CACNA1B: variants seen among roughly 807,000 people sequenced by gnomAD.
The protein encoded by CACNA1B is voltage-dependent N-type calcium channel subunit alpha-1B.
CACNA1B carries 70 observed loss-of-function variants against 247.2 expected under a neutral mutation model. That is an observed-to-expected ratio of 0.28 (90% CI 0.23 to 0.35). The LOEUF is 0.35. Among genes scored for constraint, CACNA1B ranks in the 10% least tolerant of loss-of-function variants. CACNA1B has a pLI of 1.00. For synonymous variants in CACNA1B, 1,231 were observed against 1,294.4 expected (o/e 0.95, Z 1.05); for missense variants, 2,367 against 3,197.4 (o/e 0.74, Z 6.26).
chr9:138,076,288 C>G (rs758917833), intron 35 of CACNA1B, among the ~76,000 whole-genome samples: 6 of 152,170 alleles, frequency 3.9e-5, no homozygotes, highest in Non-Finnish European at 8.8e-5. Flanking sequence ...AAGTGCGGGC[C>G]TCCAGCTTTC....
At position 138,102,569 on chromosome 9, in the gene CACNA1B, C is replaced by G. The variant is rs1564287230; in HGVS notation, c.5223-142C>G. On this transcript the variant is annotated intron_variant, in intron 37 of 46. Coordinates refer to ENST00000371372, the MANE Select transcript of CACNA1B (RefSeq NM_000718.4). The surrounding 1 kb of genome is among the most constrained non-coding windows in gnomAD (Gnocchi z 5.4). ...TTTATTTTGATTTTGGGCTTTGAAT[C>G]CGACACTTTGATTAACTGGCTCTGT... 2 of 539,988 alleles carry G rather than the reference C, an allele frequency of 3.7e-6. No homozygotes were observed. Among genetic ancestry groups the G allele is most frequent in the Admixed American group, 6.9e-5 (2 of 28,838 alleles). 33.4% of individuals were successfully genotyped at this position (539,988 alleles called of 1,614,324 possible).
chr9:137,901,237 G>C (rs571584802), intron 3 of CACNA1B, among the ~76,000 whole-genome samples: 4,683 of 149,804 alleles, frequency 0.031, 123 homozygotes, highest in Non-Finnish European at 0.048. Flanking sequence ...GTCTGTGTCT[G>C]TTCTGTGTGT....
Position 138,115,646 on chromosome 9 carries a change from A to G in CACNA1B, c.5744A>G (p.Lys1915Arg), listed in dbSNP as rs754416714. Residue 1915 changes from lysine to arginine, a missense_variant, in exon 42 of 47, where the codon AAG (lysine) becomes AGG (arginine). Around this residue, in one of 12 missense-constraint regions of CACNA1B, gnomAD observed 773 missense variants for 779.4 expected, o/e 0.99. Coordinates refer to ENST00000371372, the MANE Select transcript of CACNA1B (RefSeq NM_000718.4). ...GGAGCCCGGGTTTTCCTTCGACAGA[A>G]GAGTTCCACCTCCCTCAGCAATGGC... ...LRGARVFLRQ[K>R]SSTSLSNGGA... 8 of 1,613,772 alleles carry G rather than the reference A, an allele frequency of 5.0e-6. No homozygotes were observed. In the South Asian group the frequency reaches 8.8e-5, roughly 18 times the overall value.
At chr9:137,979,782 T>A (rs117079312) in intron 12 of CACNA1B, among the ~76,000 whole-genome samples, 1 of 152,232 alleles carries the variant, frequency 6.6e-6, no homozygotes, top group East Asian at 1.9e-4. Flanking sequence ...GTTCCCTAAG[T>A]GCAGTGGCTG....
chr9:138,004,320 G>A (rs115273160), intron 15 of CACNA1B, among the ~76,000 whole-genome samples: 11 of 151,992 alleles, frequency 7.2e-5, no homozygotes, highest in African/African-American at 1.7e-4. Flanking sequence ...GCTGAGGGGG[G>A]GCTGATTGCT....
rs369391758 is a variant in CACNA1B at position 138,007,985 on chromosome 9, GGCTC to G, written c.2092+1102_2092+1105del. ...ACCTCTCCTAGGCTGGCCCAGCAGGGGCTCCCTCTCTCAGTCTTGTTAGTCACGG... is the reference window on the plus strand; with the variant it reads ...ACCTCTCCTAGGCTGGCCCAGCAGGGCCTCTCTCAGTCTTGTTAGTCACGG... On this transcript the variant is annotated intron_variant, in intron 16 of 46. Coordinates refer to ENST00000371372, the MANE Select transcript of CACNA1B (RefSeq NM_000718.4). The surrounding 1 kb of genome is among the most constrained non-coding windows in gnomAD (Gnocchi z 4.1). Among the ~76,000 whole-genome samples, 1,021 of 152,274 alleles carry G rather than the reference GGCTC, an allele frequency of 6.7e-3. 3 individuals carry two copies. Among genetic ancestry groups the G allele is most frequent in the Middle Eastern group, 0.024 (7 of 294 alleles).
In CACNA1B at chr9:138,121,898, C is replaced by G; in HGVS notation, c.6919C>G (p.Leu2307Val). 5 of 1,612,576 alleles carry G rather than the reference C, an allele frequency of 3.1e-6. No homozygotes were observed. Among genetic ancestry groups the G allele is most frequent in the African/African-American group, 1.3e-5 (1 of 75,056 alleles). The change falls in exon 47 of 47, where the codon CTC becomes GTC. Residue 2307 changes from leucine to valine, a missense_variant. Physicochemically the swap from Leu to Val is conservative, Grantham distance 32. Transcript: ENST00000371372. The surrounding 1 kb of genome is among the most constrained non-coding windows in gnomAD (Gnocchi z 6.8). Reference protein sequence around the residue: ...VSSLTSQSHPLRRVPNGYHCT... With the variant: ...VSSLTSQSHPVRRVPNGYHCT... ...CTCCCTGACCTCCCAGTCTCACCCT[C>G]TCCGCCGCGTGCCCAACGGTTACCA...
intron 3 of CACNA1B, among the ~76,000 whole-genome samples, chr9:137,898,574 T>C (rs1358937248): frequency 6.6e-6 from 1 of 151,974 alleles, no homozygotes; most frequent in African/African-American, 2.4e-5. Context: ...AGCATGATCA[T>C]GGCTTGCTGC....
chr9:137,932,940 TTA>T (rs1957624536), intron 6 of CACNA1B, among the ~76,000 whole-genome samples: 1 of 151,888 alleles, frequency 6.6e-6, no homozygotes, highest in South Asian at 2.1e-4. Flanking sequence ...TATTTATTTA[TTA>T]TATTTTTTGA....
intron 12 of CACNA1B, among the ~76,000 whole-genome samples, chr9:137,980,024 G>A (rs1958275830): frequency 6.6e-6 from 1 of 152,206 alleles, no homozygotes; most frequent in East Asian, 1.9e-4. Flanking sequence ...TCTTGGTTCT[G>A]CCCTCTCACT....
At chr9:137,981,171 A>G (rs1189091328) in intron 12 of CACNA1B, among the ~76,000 whole-genome samples, 2 of 152,154 alleles carry the variant, frequency 1.3e-5, no homozygotes, top group Non-Finnish European at 2.9e-5. Flanking sequence ...ACTTTTTAAT[A>G]ATAGCCATTC....
rs553236572 is a variant in CACNA1B, at chr9:138,006,666, G to A, written c.1975-101G>A. 54 of 694,716 alleles carry A rather than the reference G, an allele frequency of 7.8e-5. No homozygotes were observed. In the East Asian group the frequency reaches 8.3e-4, roughly 11 times the overall value. 43.0% of individuals were successfully genotyped at this position (694,716 alleles called of 1,614,324 possible). A position where few individuals can be genotyped will look rare whatever the true frequency, so the allele number is the denominator to read the frequency against. ...TGTGCATGTGTGGACGTGGCAGTGC[G>A]CGTGGACGTGGCGGTGCACATGCAC... On this transcript the variant is annotated intron_variant, in intron 15 of 46. Transcript: ENST00000371372.
intron 10 of CACNA1B, among the ~76,000 whole-genome samples, chr9:137,962,364 G>T (rs1958030601): frequency 1.4e-5 from 2 of 139,178 alleles, no homozygotes; most frequent in African/African-American, 2.7e-5. Context: ...TTTTTTTGAT[G>T]GATTTTTCAT....
chr9:137,934,996 A>G (rs2133309765), intron 6 of CACNA1B, among the ~76,000 whole-genome samples: 1 of 152,356 alleles, frequency 6.6e-6, no homozygotes, highest in Middle Eastern at 3.4e-3. Context: ...GATTTACCTG[A>G]AAAAGAATTC....
chr9:138,110,041 G>A (rs373799736), intron 39 of CACNA1B, among the ~76,000 whole-genome samples: 22 of 152,070 alleles, frequency 1.4e-4, no homozygotes, highest in Middle Eastern at 3.4e-3. Context: ...GTGACAGACC[G>A]AGATTCCATC....
At chr9:138,085,023 G>A (rs1960650247) in intron 36 of CACNA1B, among the ~76,000 whole-genome samples, 1 of 149,384 alleles carries the variant, frequency 6.7e-6, no homozygotes, top group Non-Finnish European at 1.5e-5. Flanking sequence ...GTAGACCCTA[G>A]TAAAAACTAA....
At position 137,975,981 on chromosome 9, in the gene CACNA1B, A is replaced by G. The variant is rs1163794080; in HGVS notation, c.1618A>G (p.Ser540Gly). 1.2e-6 allele frequency: 2 copies of G among 1,613,422 alleles called. No individual in the cohort carries two copies. The highest frequency in any genetic ancestry group is 1.7e-5 in the Admixed American group (1 of 60,022). ...GAAGATGTATGGCCTGGGGCCCAGAAGCTACTTCCGGTCCTCCTTCAACTG... is the reference window on the plus strand; with the variant it reads ...GAAGATGTATGGCCTGGGGCCCAGAGGCTACTTCCGGTCCTCCTTCAACTG... ...SLKMYGLGPR[S>G]YFRSSFNCFD... is the part of the protein sequence containing the mutation. The change falls in exon 12 of 47, where the codon AGC (serine) becomes GGC (glycine). Residue 540 changes from serine (S) to glycine (G), a missense_variant. Physicochemically the swap from Ser to Gly is moderately conservative, Grantham distance 56 (BLOSUM62 0). This residue lies in a region of CACNA1B where 219 missense variants were observed against 297.6 expected (regional missense o/e 0.74). Transcript: ENST00000371372.
intron 31 of CACNA1B, among the ~76,000 whole-genome samples, chr9:138,061,701 C>A (rs1959730828): frequency 6.6e-6 from 1 of 152,212 alleles, no homozygotes; most frequent in African/African-American, 2.4e-5. Flanking sequence ...CGGCACGGTA[C>A]TGCACAAGGA....
At chr9:137,983,999 A>G (rs939424581) in intron 12 of CACNA1B, 139 bp from the exon 13 acceptor site, 8 of 673,680 alleles carry the variant, frequency 1.2e-5, no homozygotes, top group South Asian at 3.5e-5. Flanking sequence ...TTGTGTTACC[A>G]TATCTGGCTT....
Sources: allele counts gnomAD v4.1 joint callset (sites outside exome capture counted in the v4.1 genomes callset), GRCh38; gene constraint gnomAD v4.1.1; regional missense constraint gnomAD v4.1.1; non-coding constraint Gnocchi (gnomAD v3.1); transcripts MANE v1.5; gene names NCBI Gene and HGNC (gene_info 2026-07-23, HGNC 2026-07-21).